Variants in DOCK1 observed in about 807,000 individuals in gnomAD.
The protein encoded by DOCK1 is dedicator of cytokinesis 1.
A neutral mutation model predicts 262.7 loss-of-function variants in DOCK1; 138 were observed. The ratio of observed to expected loss-of-function variants is 0.53; its 90% CI spans 0.46 to 0.61. The LOEUF (loss-of-function observed/expected upper bound fraction) is 0.61, where lower values mean the gene tolerates loss of function less well. Ranked by LOEUF, DOCK1 falls within the 20% of genes least tolerant of loss-of-function variation. The probability of loss-of-function intolerance (pLI) is 0.00; values close to 1 mark genes in which losing one functional copy is unlikely to be tolerated. For missense variants in DOCK1, 1,908 were observed against 2,370.7 expected (o/e 0.80, Z 4.05); for synonymous variants, 866 against 867.4 (o/e 1.00, Z 0.03).
At chr10:127,135,973 G>A (rs1320343345) in intron 27 of DOCK1, 3 of 152,562 alleles carry the variant, frequency 2.0e-5, no homozygotes, top group Non-Finnish European at 2.9e-5. Flanking sequence ...TTTAGTCTAC[G>A]TGAAACAGTT....
chr10:127,186,790 A>G (rs2056313236), intron 27 of DOCK1, among the ~76,000 whole-genome samples: 1 of 152,012 alleles, frequency 6.6e-6, no homozygotes, highest in South Asian at 2.1e-4. Flanking sequence ...GAGAAGGGCA[A>G]TGGGGATGTA....
intron 27 of DOCK1, among the ~76,000 whole-genome samples, chr10:127,170,864 T>G (rs1446282886): frequency 6.6e-6 from 1 of 152,206 alleles, no homozygotes; most frequent in Non-Finnish European, 1.5e-5. Context: ...AGCAGGATAA[T>G]TCTTGGCATT....
chr10:127,107,743 C>T (rs1285785948), intron 24 of DOCK1, among the ~76,000 whole-genome samples: 5 of 152,314 alleles, frequency 3.3e-5, no homozygotes, highest in African/African-American at 1.2e-4. Flanking sequence ...CCTCCCCGTG[C>T]AGGTGCTTCC....
At position 127,409,131 on chromosome 10, in the gene DOCK1, A is replaced by AG; in HGVS notation, c.4218dup (p.Thr1407AspfsTer10). On this transcript the variant is annotated frameshift_variant, in exon 41 of 52. Transcript: ENST00000623213. LOFTEE classifies it high-confidence loss of function. ...CAGTTTCCAAACGCCGAGAAAATGA[A>AG]GACAACATCTCCACCAGGCGACGAT... is the stretch of plus-strand genomic sequence containing the variant. The AG allele has an allele frequency of 6.2e-7, 1 of 1,612,290 alleles. No individual in the cohort carries two copies. Among genetic ancestry groups the AG allele is most frequent in the Non-Finnish European group, 8.5e-7 (1 of 1,179,096 alleles).
intron 23 of DOCK1, among the ~76,000 whole-genome samples, chr10:127,092,679 T>A (rs1315506937): frequency 6.6e-6 from 1 of 152,200 alleles, no homozygotes. Flanking sequence ...AGACAGGGTT[T>A]CACCATGTTG....
chr10:126,922,467 A>T (rs1440799087), intron 1 of DOCK1, among the ~76,000 whole-genome samples: 1 of 151,962 alleles, frequency 6.6e-6, no homozygotes, highest in Non-Finnish European at 1.5e-5. Context: ...TAGAATAATG[A>T]CCATTATTTT....
At chr10:127,129,106 C>T (rs1011980259) in intron 27 of DOCK1, among the ~76,000 whole-genome samples, 4 of 152,042 alleles carry the variant, frequency 2.6e-5, no homozygotes, top group Admixed American at 6.6e-5. Flanking sequence ...GGGTCCTTTG[C>T]GTTTTTATGT....
chr10:127,139,961 A>T (rs1403023523), intron 27 of DOCK1, among the ~76,000 whole-genome samples: 2 of 152,238 alleles, frequency 1.3e-5, no homozygotes, highest in African/African-American at 4.8e-5. Flanking sequence ...CAACTTGGAC[A>T]TTTAACAAGG....
chr10:127,169,413 G>A (rs1254004775), intron 27 of DOCK1, among the ~76,000 whole-genome samples: 2 of 152,152 alleles, frequency 1.3e-5, no homozygotes, highest in Admixed American at 6.5e-5. Flanking sequence ...ATGATAGGCC[G>A]GTGTGCTTGG....
chr10:127,007,198 G>A (rs183892868), intron 10 of DOCK1, among the ~76,000 whole-genome samples: 31 of 152,246 alleles, frequency 2.0e-4, no homozygotes, highest in Non-Finnish European at 3.7e-4. Flanking sequence ...AGGCCCCTTG[G>A]TTGAGTGGAG....
intron 22 of DOCK1, among the ~76,000 whole-genome samples, chr10:127,058,369 T>A (rs2045308433): frequency 6.9e-6 from 1 of 145,590 alleles, no homozygotes; most frequent in African/African-American, 2.5e-5. Context: ...GAATACCTAT[T>A]TCCATCCTTT....
intron 1 of DOCK1, among the ~76,000 whole-genome samples, chr10:126,943,178 G>T (rs1389543085): frequency 7.3e-6 from 1 of 136,508 alleles, no homozygotes; most frequent in Non-Finnish European, 1.7e-5. Context: ...ATTTGAACGT[G>T]GGAGGCGGAG....
intron 28 of DOCK1, among the ~76,000 whole-genome samples, chr10:127,251,123 C>T (rs993139714): frequency 5.3e-5 from 8 of 151,734 alleles, no homozygotes; most frequent in Non-Finnish European, 7.4e-5. Flanking sequence ...CCACCACACC[C>T]GGCTAATTTT....
chr10:126,935,103 G>A (rs2034479584), intron 1 of DOCK1, among the ~76,000 whole-genome samples: 2 of 152,020 alleles, frequency 1.3e-5, no homozygotes, highest in South Asian at 2.1e-4. Context: ...GCGAGACTCC[G>A]TCTCAAAAAA....
chr10:127,162,156 T>A (rs1466590997), intron 27 of DOCK1, among the ~76,000 whole-genome samples: 3 of 152,228 alleles, frequency 2.0e-5, no homozygotes, highest in Admixed American at 2.0e-4. Flanking sequence ...GTAAAGCTGA[T>A]CCCATTAGCT....
intron 25 of DOCK1, among the ~76,000 whole-genome samples, chr10:127,113,759 A>T (rs535674228): frequency 2.0e-5 from 3 of 152,274 alleles, no homozygotes; most frequent in South Asian, 2.1e-4. Flanking sequence ...GGCCTGAATG[A>T]GGACACCAGG....
At chr10:127,118,735 G>A (rs1436759570) in intron 25 of DOCK1, among the ~76,000 whole-genome samples, 4 of 152,192 alleles carry the variant, frequency 2.6e-5, no homozygotes, top group Non-Finnish European at 4.4e-5. Context: ...TCTGCCCAGT[G>A]GCCCTGTTCC....
intron 7 of DOCK1, among the ~76,000 whole-genome samples, chr10:126,997,497 GC>G (rs1319162556): frequency 0.014 from 1,134 of 81,198 alleles, 12 homozygotes; most frequent in Admixed American, 0.022. Flanking sequence ...GAGAGGGTGT[GC>G]GGGGGGGTGC....
intron 29 of DOCK1, among the ~76,000 whole-genome samples, chr10:127,303,436 T>A (rs932586441): frequency 8.5e-5 from 13 of 152,246 alleles, no homozygotes; most frequent in Non-Finnish European, 1.5e-4. Context: ...GGCTAACATT[T>A]AGTCAAAAAG....
Sources: allele counts gnomAD v4.1 joint callset (sites outside exome capture counted in the v4.1 genomes callset), GRCh38; gene constraint gnomAD v4.1.1; transcripts MANE v1.5; gene names NCBI Gene and HGNC (gene_info 2026-07-23, HGNC 2026-07-21).